PHF20: variants seen among roughly 807,000 people sequenced by gnomAD.
PHF20 encodes PHD finger protein 20.
A neutral mutation model predicts 113.5 loss-of-function variants in PHF20; 23 were observed. That is an observed-to-expected ratio of 0.20 (90% CI 0.15 to 0.29). The LOEUF (loss-of-function observed/expected upper bound fraction) is 0.29, where lower values mean the gene tolerates loss of function less well. Ranked by LOEUF, PHF20 falls within the 10% of genes least tolerant of loss-of-function variation. The probability of loss-of-function intolerance (pLI) is 1.00; values close to 1 mark genes in which losing one functional copy is unlikely to be tolerated. For missense variants in PHF20, 943 were observed against 1,219.6 expected (o/e 0.77, Z 3.38); for synonymous variants, 434 against 457.3 (o/e 0.95, Z 0.65).
intron 1 of PHF20, among the ~76,000 whole-genome samples, chr20:35,790,118 AAATGCTAG>A (rs1380352824): frequency 2.6e-5 from 4 of 151,720 alleles, no homozygotes; most frequent in Non-Finnish European, 5.9e-5. Flanking sequence ...CTGCCTCCTA[AAATGCTAG>A]AATTACATGC....
intron 2 of PHF20, among the ~76,000 whole-genome samples, chr20:35,815,888 A>C (rs1284989844): frequency 6.6e-6 from 1 of 152,180 alleles, no homozygotes; most frequent in African/African-American, 2.4e-5. Flanking sequence ...CAAACAAGCA[A>C]AATCGTTTTG....
chr20:35,772,175 C>CACCGCTGCTTCGG (rs2041068745), intron 1 of PHF20, 96 bp downstream of exon 1: 1 of 150,632 alleles, frequency 6.6e-6, no homozygotes, highest in Non-Finnish European at 1.5e-5. Context: ...CGACGGACGC[C>CACCGCTGCTTCGG]ACCGCTGCTT....
chr20:35,822,846 TA>T (rs780275666), intron 2 of PHF20, among the ~76,000 whole-genome samples: 3,285 of 55,542 alleles, frequency 0.059, 41 homozygotes, highest in South Asian at 0.18. Flanking sequence ...ACCCTGCTTC[TA>T]AAAAAAAAAA....
intron 2 of PHF20, chr20:35,838,251 T>C (rs1358513403): frequency 6.6e-6 from 1 of 152,206 alleles, no homozygotes; most frequent in Non-Finnish European, 1.5e-5. Context: ...AAAATAAGTA[T>C]GTAATTATGT....
intron 9 of PHF20, among the ~76,000 whole-genome samples, chr20:35,889,098 C>T (rs192730822): frequency 6.8e-4 from 103 of 150,570 alleles, no homozygotes; most frequent in Admixed American, 6.2e-3. Context: ...CTTACTGCAC[C>T]CTCTGCCTCT....
At chr20:35,799,481 A>C (rs1469516609) in intron 1 of PHF20, among the ~76,000 whole-genome samples, 3 of 151,736 alleles carry the variant, frequency 2.0e-5, no homozygotes, top group Non-Finnish European at 4.4e-5. Flanking sequence ...AATTTTAAAA[A>C]GTCCAGAGTT....
At chr20:35,874,759 GT>G (rs955874458) in intron 9 of PHF20, among the ~76,000 whole-genome samples, 112 of 147,316 alleles carry the variant, frequency 7.6e-4, no homozygotes, top group African/African-American at 1.6e-3. Context: ...TTTTTGAATA[GT>G]TTTTTTTTTT....
Position 35,779,562 on chromosome 20 carries a change from C to T in PHF20, c.-33+7483C>T, listed in dbSNP as rs140695866. 2.0e-3 allele frequency among the ~76,000 whole-genome samples: 305 copies of T among 150,906 alleles called. 1 individual carries two copies. Among genetic ancestry groups the T allele is most frequent in the Non-Finnish European group, 2.7e-3 (183 of 67,846 alleles). On this transcript the variant is annotated intron_variant, in intron 1 of 17. Transcript: ENST00000374012. ...TTGTTGAGGCGGAGTCTCACTCTGT[C>T]GCCCAGAAGTGCAGTGGTGCAACCT...
intron 4 of PHF20, among the ~76,000 whole-genome samples, chr20:35,851,612 G>A (rs2042733468): frequency 7.0e-6 from 1 of 142,036 alleles, no homozygotes. Context: ...TGCCTAGATA[G>A]CCTTTAACGA....
At chr20:35,930,174 A>G (rs1442148762) in intron 14 of PHF20, among the ~76,000 whole-genome samples, 2 of 152,192 alleles carry the variant, frequency 1.3e-5, no homozygotes, top group Non-Finnish European at 1.5e-5. Flanking sequence ...GGGCCTGATC[A>G]TCTGTTGAGT....
At chr20:35,837,463 G>T (rs1238454555) in intron 2 of PHF20, among the ~76,000 whole-genome samples, 1 of 152,140 alleles carries the variant, frequency 6.6e-6, no homozygotes, top group African/African-American at 2.4e-5. Flanking sequence ...GTTACACAGG[G>T]AAGCTAGAAA....
At chr20:35,857,710 C>T (rs1050692631) in intron 4 of PHF20, among the ~76,000 whole-genome samples, 7 of 151,574 alleles carry the variant, frequency 4.6e-5, no homozygotes, top group African/African-American at 9.7e-5. Flanking sequence ...CTCAGCCTCC[C>T]GAGTAGCTGG....
At chr20:35,860,594 T>G (rs929678965) in intron 5 of PHF20, among the ~76,000 whole-genome samples, 20 of 152,178 alleles carry the variant, frequency 1.3e-4, no homozygotes, top group African/African-American at 4.8e-4. Flanking sequence ...TCAAGAATGT[T>G]TTTGCCTTTT....
chr20:35,875,243 C>T (rs1193972391), intron 9 of PHF20, among the ~76,000 whole-genome samples: 1 of 151,768 alleles, frequency 6.6e-6, no homozygotes, highest in Admixed American at 6.6e-5. Flanking sequence ...ACTAAAAATA[C>T]AAAAATTTGC....
intron 4 of PHF20, 59 bp from the exon 5 acceptor site, chr20:35,858,243 A>G: frequency 2.2e-6 from 2 of 908,700 alleles, no homozygotes; most frequent in Admixed American, 3.7e-5. Context: ...TATACTTTGA[A>G]AAGTTACCAC....
chr20:35,788,633 A>G (rs2041474870), intron 1 of PHF20, among the ~76,000 whole-genome samples: 1 of 151,882 alleles, frequency 6.6e-6, no homozygotes, highest in Non-Finnish European at 1.5e-5. Context: ...GCTGGAGTGC[A>G]ATGGCATGAT....
intron 10 of PHF20, among the ~76,000 whole-genome samples, chr20:35,906,014 T>G (rs1239254358): frequency 1.3e-5 from 2 of 152,248 alleles, no homozygotes; most frequent in South Asian, 4.1e-4. Context: ...CTTGGGTTTC[T>G]TTCTACTTAG....
chr20:35,942,642 A>G (rs994221570), intron 17 of PHF20, among the ~76,000 whole-genome samples: 1 of 152,210 alleles, frequency 6.6e-6, no homozygotes, highest in African/African-American at 2.4e-5. Context: ...TCAGAGCCAC[A>G]TATTCTGTAC....
chr20:35,938,578 G>A (rs959188555), intron 15 of PHF20, 119 bp from the exon 16 acceptor site: 6 of 933,862 alleles, frequency 6.4e-6, no homozygotes, highest in Non-Finnish European at 9.8e-6. Flanking sequence ...AAATGGTAGT[G>A]TGTGGTCAGA....
Sources: allele counts gnomAD v4.1 joint callset (sites outside exome capture counted in the v4.1 genomes callset), GRCh38; gene constraint gnomAD v4.1.1; transcripts MANE v1.5; gene names NCBI Gene and HGNC (gene_info 2026-07-23, HGNC 2026-07-21).